The following NR3C2 variants were observed in gnomAD, a reference collection of about 807,000 sequenced individuals.
NR3C2 encodes the protein mineralocorticoid receptor.
A neutral mutation model predicts 86.4 loss-of-function variants in NR3C2; 15 were observed. That is an observed-to-expected ratio of 0.17 (90% CI 0.12 to 0.27). NR3C2 has a LOEUF of 0.27. NR3C2 is among the 10% of genes least tolerant of loss of function. NR3C2 has a pLI of 1.00. For missense variants in NR3C2, 960 were observed against 1,195.6 expected (o/e 0.80, Z 2.91); for synonymous variants, 458 against 450.5 (o/e 1.02, Z -0.21).
rs187469581 is a variant in NR3C2, at chr4:148,412,732, C to T, written c.1757+22372G>A. On this transcript the variant is annotated intron_variant, in intron 2 of 8. Coordinates refer to ENST00000358102, the MANE Select transcript of NR3C2 (RefSeq NM_000901.5). ...TTTTCTAAAAGCACATAATTTTTAT[C>T]TTTTAATCTGTGACTGAAATCTCCC... Among the ~76,000 whole-genome samples the T allele has an allele frequency of 5.9e-5, 9 of 152,234 alleles. No homozygotes were observed. In the East Asian group the frequency reaches 1.7e-3, roughly 29 times the overall value.
chr4:148,224,658 T>G (rs1738049161), intron 3 of NR3C2, among the ~76,000 whole-genome samples: 1 of 152,170 alleles, frequency 6.6e-6, no homozygotes, highest in South Asian at 2.1e-4. Flanking sequence ...TGTTTGGGCT[T>G]TGAAGTGGAA....
At chr4:148,190,289 T>C (rs1215693557) in intron 4 of NR3C2, among the ~76,000 whole-genome samples, 1 of 152,242 alleles carries the variant, frequency 6.6e-6, no homozygotes, top group Non-Finnish European at 1.5e-5. Flanking sequence ...GATTTTGTTT[T>C]TGACCCAATG....
intron 3 of NR3C2, among the ~76,000 whole-genome samples, chr4:148,258,916 A>G (rs369057102): frequency 5.9e-5 from 9 of 152,224 alleles, no homozygotes; most frequent in Middle Eastern, 3.2e-3. Context: ...AGCTCCTTTT[A>G]CCAATTCAAT....
At chr4:148,303,346 T>A (rs1742438591) in intron 2 of NR3C2, among the ~76,000 whole-genome samples, 1 of 152,156 alleles carries the variant, frequency 6.6e-6, no homozygotes, top group African/African-American at 2.4e-5. Context: ...ATCAACATTC[T>A]AGTTCTGAGC....
intron 2 of NR3C2, among the ~76,000 whole-genome samples, chr4:148,277,979 G>C (rs1200319468): frequency 1.3e-5 from 2 of 152,146 alleles, no homozygotes; most frequent in African/African-American, 4.8e-5. Context: ...TCTCCAAAAG[G>C]AGAATACATT....
chr4:148,251,450 C>T (rs72655218), intron 3 of NR3C2, among the ~76,000 whole-genome samples: 1,858 of 152,264 alleles, frequency 0.012, 42 homozygotes, highest in African/African-American at 0.043. Flanking sequence ...AACTACACCA[C>T]GAGTGCAAGT....
chr4:148,216,112 T>C (rs554467040), intron 3 of NR3C2, among the ~76,000 whole-genome samples: 51 of 152,266 alleles, frequency 3.3e-4, no homozygotes, highest in African/African-American at 1.2e-3. Context: ...AAAGCAACCA[T>C]AGATGATATA....
At chr4:148,169,669 G>A (rs1735036257) in intron 4 of NR3C2, among the ~76,000 whole-genome samples, 1 of 152,104 alleles carries the variant, frequency 6.6e-6, no homozygotes, top group South Asian at 2.1e-4. Flanking sequence ...AAATTCAAAT[G>A]ATAAAAGATC....
chr4:148,145,987 G>T (rs1733851368), intron 6 of NR3C2, among the ~76,000 whole-genome samples: 1 of 152,050 alleles, frequency 6.6e-6, no homozygotes, highest in Non-Finnish European at 1.5e-5. Context: ...GAAGTGAGAA[G>T]AAAAGGGAGG....
At chr4:148,251,170 G>A (rs1475821279) in intron 3 of NR3C2, among the ~76,000 whole-genome samples, 1 of 152,002 alleles carries the variant, frequency 6.6e-6, no homozygotes, top group African/African-American at 2.4e-5. Context: ...TGTTGCCCAG[G>A]CTGGTCTCGA....
chr4:148,166,717 G>A (rs1734895628), intron 4 of NR3C2, among the ~76,000 whole-genome samples: 2 of 151,868 alleles, frequency 1.3e-5, no homozygotes, highest in African/African-American at 2.4e-5. Context: ...AACGTTAAAG[G>A]TTTTTTATTT....
intron 2 of NR3C2, among the ~76,000 whole-genome samples, chr4:148,365,381 A>T (rs982398856): frequency 5.3e-5 from 8 of 152,270 alleles, no homozygotes; most frequent in African/African-American, 1.9e-4. Context: ...CAGATAAGGG[A>T]TACTCAACCT....
chr4:148,216,509 G>A (rs1482685505), intron 3 of NR3C2, among the ~76,000 whole-genome samples: 2 of 152,164 alleles, frequency 1.3e-5, no homozygotes. Flanking sequence ...TTGAGCCCAA[G>A]CAGACAGGCT....
intron 3 of NR3C2, among the ~76,000 whole-genome samples, chr4:148,228,087 A>G (rs1738267182): frequency 6.6e-6 from 1 of 152,202 alleles, no homozygotes; most frequent in Non-Finnish European, 1.5e-5. Context: ...ACACATAGGT[A>G]TGTATGCATA....
At chr4:148,234,775 C>T (rs546892298) in intron 3 of NR3C2, among the ~76,000 whole-genome samples, 23 of 150,974 alleles carry the variant, frequency 1.5e-4, no homozygotes, top group Admixed American at 8.6e-4. Flanking sequence ...GAATGGATTG[C>T]GGAACAGAGA....
chr4:148,343,415 CT>C (rs1233494881), intron 2 of NR3C2, among the ~76,000 whole-genome samples: 14 of 150,660 alleles, frequency 9.3e-5, no homozygotes, highest in African/African-American at 3.4e-4. Flanking sequence ...CCGACCCCCC[CT>C]TTTTTTTAAA....
At chr4:148,381,762 G>A (rs1747002414) in intron 2 of NR3C2, among the ~76,000 whole-genome samples, 1 of 152,146 alleles carries the variant, frequency 6.6e-6, no homozygotes, top group Non-Finnish European at 1.5e-5. Context: ...TTATCATTTA[G>A]TAAATGATAC....
At chr4:148,347,315 A>C (rs1745043766) in intron 2 of NR3C2, among the ~76,000 whole-genome samples, 2 of 151,978 alleles carry the variant, frequency 1.3e-5, no homozygotes, top group Non-Finnish European at 1.5e-5. Context: ...CTTCTTGCCA[A>C]CCACCCAGAA....
At chr4:148,273,197 G>A (rs72655267) in intron 2 of NR3C2, among the ~76,000 whole-genome samples, 4,059 of 152,166 alleles carry the variant, frequency 0.027, 77 homozygotes, top group Middle Eastern at 0.065. Context: ...ATGAAATTAG[G>A]ATTGCTAAAT....
Sources: gnomAD v4.1 joint callset for allele counts (sites outside exome capture counted in the v4.1 genomes callset) on GRCh38, gnomAD v4.1.1 for gene constraint, MANE v1.5 for transcripts, NCBI Gene and HGNC (gene_info 2026-07-23, HGNC 2026-07-21) for gene names.